The following PITPNC1 variants were observed in gnomAD, a reference collection of about 807,000 sequenced individuals.
The protein encoded by PITPNC1 is phosphatidylinositol transfer protein cytoplasmic 1.
PITPNC1 carries 18 observed loss-of-function variants against 44.7 expected under a neutral mutation model. That is an observed-to-expected ratio of 0.40 (90% CI 0.28 to 0.60). PITPNC1 has a LOEUF of 0.60. PITPNC1 is among the 20% of genes least tolerant of loss of function. PITPNC1 has a pLI of 0.39. For missense variants in PITPNC1, 290 were observed against 418.4 expected, an observed-to-expected ratio of 0.69 and a Z score of 2.68; for synonymous variants, 141 against 149.6, an observed-to-expected ratio of 0.94 and a Z score of 0.42.
intron 6 of PITPNC1, among the ~76,000 whole-genome samples, chr17:67,641,479 A>C (rs2042091773): frequency 6.6e-6 from 1 of 152,142 alleles, no homozygotes; most frequent in Admixed American, 6.5e-5. Context: ...ACGCCTGTCT[A>C]GTGAGTTTTA....
intron 1 of PITPNC1, among the ~76,000 whole-genome samples, chr17:67,520,684 G>A (rs770733966): frequency 2.0e-5 from 3 of 152,126 alleles, no homozygotes; most frequent in Non-Finnish European, 2.9e-5. Flanking sequence ...TAAGAACCGA[G>A]ACCGTCCCCA....
At chr17:67,378,479 G>T (rs1213440822) in intron 1 of PITPNC1, among the ~76,000 whole-genome samples, 1 of 152,134 alleles carries the variant, frequency 6.6e-6, no homozygotes. Context: ...AAGGGAGTGG[G>T]TGCGCCCCCT....
At chr17:67,606,914 C>G (rs1271243605) in intron 5 of PITPNC1, among the ~76,000 whole-genome samples, 1 of 152,316 alleles carries the variant, frequency 6.6e-6, no homozygotes, top group South Asian at 2.1e-4. Flanking sequence ...CAGAAACAAA[C>G]CACTGCCTGT....
intron 1 of PITPNC1, among the ~76,000 whole-genome samples, chr17:67,419,773 G>T (rs2143862813): frequency 6.6e-6 from 1 of 152,262 alleles, no homozygotes; most frequent in South Asian, 2.1e-4. Context: ...GGGTATGGTG[G>T]CAAGCACCTG....
At chr17:67,559,254 G>A (rs1452407923) in intron 4 of PITPNC1, among the ~76,000 whole-genome samples, 2 of 152,062 alleles carry the variant, frequency 1.3e-5, no homozygotes, top group African/African-American at 2.4e-5. Flanking sequence ...ACAAGTCCAG[G>A]GAAGATTATG....
At chr17:67,492,094 A>T (rs1349848019) in intron 1 of PITPNC1, among the ~76,000 whole-genome samples, 2 of 152,146 alleles carry the variant, frequency 1.3e-5, no homozygotes, top group Non-Finnish European at 1.5e-5. Context: ...CCTTAAAAAA[A>T]ATCCTTATGG....
At chr17:67,443,007 C>T (rs929701320) in intron 1 of PITPNC1, among the ~76,000 whole-genome samples, 4 of 152,192 alleles carry the variant, frequency 2.6e-5, no homozygotes, top group Admixed American at 2.6e-4. Context: ...CTCTGACCTA[C>T]ACAGCTGCCA....
At chr17:67,650,610 G>A (rs1187778358) in intron 6 of PITPNC1, among the ~76,000 whole-genome samples, 1 of 151,864 alleles carries the variant, frequency 6.6e-6, no homozygotes, top group Non-Finnish European at 1.5e-5. Context: ...CACCATGCCT[G>A]GCTAAATTTT....
rs144289674 is a variant in PITPNC1 at position 67,423,641 on chromosome 17, T to G, written c.48+45439T>G. 3.2e-3 allele frequency among the ~76,000 whole-genome samples: 489 copies of G among 152,276 alleles called. 2 individuals carry two copies. Among genetic ancestry groups the G allele is most frequent in the African/African-American group, 9.0e-3 (375 of 41,552 alleles). Reference sequence around the variant, plus strand: ...GCCTCAGCCTCCCTGAAGGTCCACCTGCATTTGAATAAGGATGGATGTGCG... The same window carrying G: ...GCCTCAGCCTCCCTGAAGGTCCACCGGCATTTGAATAAGGATGGATGTGCG... On this transcript the variant is annotated intron_variant, in intron 1 of 8. Transcript: ENST00000581322.
At chr17:67,399,743 A>AT (rs2038279132) in intron 1 of PITPNC1, among the ~76,000 whole-genome samples, 1 of 152,072 alleles carries the variant, frequency 6.6e-6, no homozygotes, top group Non-Finnish European at 1.5e-5. Context: ...TTCAAACTTG[A>AT]TTTTTCTTTC....
rs776617136 is a variant in PITPNC1, at chr17:67,632,244, C to T, written c.462+6C>T. The T allele has an allele frequency of 8.4e-6, 13 of 1,553,446 alleles. No homozygotes were observed. The Admixed American group carries it at 2.0e-4, about 24-fold the overall frequency. On this transcript the variant is annotated splice_donor_region_variant and intron_variant, in intron 6 of 8. Transcript: ENST00000581322. Reference sequence around the variant, plus strand: ...GCTACTACAAAGAATCTGAGGTAAGCAACAGTTGGGATGAGATGTGGAAGA... The same window carrying T: ...GCTACTACAAAGAATCTGAGGTAAGTAACAGTTGGGATGAGATGTGGAAGA...
intron 5 of PITPNC1, among the ~76,000 whole-genome samples, chr17:67,627,923 CT>C (rs1265949281): frequency 6.7e-6 from 1 of 149,612 alleles, no homozygotes; most frequent in East Asian, 2.0e-4. Flanking sequence ...TCTTCTTCTT[CT>C]TTTTTGTTTT....
chr17:67,603,271 A>G (rs992337902), intron 5 of PITPNC1, among the ~76,000 whole-genome samples: 1 of 151,516 alleles, frequency 6.6e-6, no homozygotes, highest in Non-Finnish European at 1.5e-5. Flanking sequence ...CAAAGAGGGT[A>G]TAGATTAGAC....
At chr17:67,681,558 A>G (rs1247202803) in intron 8 of PITPNC1, among the ~76,000 whole-genome samples, 1 of 139,676 alleles carries the variant, frequency 7.2e-6, no homozygotes, top group Admixed American at 7.8e-5. Flanking sequence ...GCAGGGAACT[A>G]TGGTCACACC....
intron 1 of PITPNC1, among the ~76,000 whole-genome samples, chr17:67,512,083 C>A (rs1318245069): frequency 6.6e-6 from 1 of 152,178 alleles, no homozygotes; most frequent in Non-Finnish European, 1.5e-5. Context: ...CCTTCCCTGC[C>A]CCAAGGCTAG....
intron 4 of PITPNC1, among the ~76,000 whole-genome samples, chr17:67,560,818 T>C (rs112943096): frequency 1.3e-5 from 2 of 152,342 alleles, no homozygotes; most frequent in African/African-American, 4.8e-5. Flanking sequence ...GTGGCTCTAC[T>C]GTAACAAAAC....
At chr17:67,516,830 G>T (rs1370683145) in intron 1 of PITPNC1, among the ~76,000 whole-genome samples, 1 of 152,124 alleles carries the variant, frequency 6.6e-6, no homozygotes, top group African/African-American at 2.4e-5. Flanking sequence ...ATGTTGGCCA[G>T]GCTGGTCTCA....
intron 1 of PITPNC1, among the ~76,000 whole-genome samples, chr17:67,483,698 G>T (rs1006858971): frequency 2.0e-5 from 3 of 152,186 alleles, no homozygotes; most frequent in Admixed American, 6.6e-5. Flanking sequence ...AGTGTGGGAA[G>T]CTTCTACTGA....
chr17:67,414,392 C>A (rs1419359777), intron 1 of PITPNC1, among the ~76,000 whole-genome samples: 1 of 152,176 alleles, frequency 6.6e-6, no homozygotes, highest in Non-Finnish European at 1.5e-5. Flanking sequence ...TTTATACATA[C>A]AACATGCAAG....
Sources: gnomAD v4.1 joint callset for allele counts (sites outside exome capture counted in the v4.1 genomes callset) on GRCh38, gnomAD v4.1.1 for gene constraint, MANE v1.5 for transcripts, NCBI Gene and HGNC (gene_info 2026-07-23, HGNC 2026-07-21) for gene names.